ASIC5: variants seen among roughly 807,000 people sequenced by gnomAD.
The protein encoded by ASIC5 is bile acid-sensitive ion channel.
ASIC5 carries 52 observed loss-of-function variants against 51.2 expected under a neutral mutation model. The ratio of observed to expected loss-of-function variants is 1.02; its 90% CI spans 0.81 to 1.28. The LOEUF is 1.28. Ranked by LOEUF, ASIC5 falls within the 50% of genes most tolerant of loss-of-function variation. The pLI, the probability that ASIC5 is intolerant of heterozygous loss-of-function variation, is 0.00. For synonymous variants in ASIC5, 231 were observed against 200.7 expected (o/e 1.15, Z -1.28); for missense variants, 635 against 595.0 (o/e 1.07, Z -0.70).
At position 155,836,677 on chromosome 4, in the gene ASIC5, T is replaced by A; in HGVS notation, c.1235+12A>T. ...GTTAATTATCAATAATTTAAAAGGC[T>A]AGTAAGGTTACCTGATGTATTTCCG... is the stretch of plus-strand genomic sequence containing the variant. On this transcript the variant is annotated intron_variant, in intron 8 of 9. Coordinates refer to ENST00000537611, the MANE Select transcript of ASIC5 (RefSeq NM_017419.3). The A allele has an allele frequency of 6.4e-7, 1 of 1,554,154 alleles. No individual in the cohort carries two copies. Among genetic ancestry groups the A allele is most frequent in the Non-Finnish European group, 8.8e-7 (1 of 1,135,816 alleles).
intron 2 of ASIC5, chr4:155,854,967 G>A (rs1044739143): frequency 6.6e-6 from 1 of 152,126 alleles, no homozygotes; most frequent in Non-Finnish European, 1.5e-5. Flanking sequence ...GCTTGTATTT[G>A]TTTCCCCGAC....
chr4:155,853,502 ATTTTGTATTTGTTATGTATTTG>A (rs900154319), intron 3 of ASIC5, among the ~76,000 whole-genome samples: 1 of 150,046 alleles, frequency 6.7e-6, no homozygotes, highest in Non-Finnish European at 1.5e-5. Context: ...TAATAACAGG[ATTTTGTATTTGTTATGTATTTG>A]TTTTGTATTT....
At chr4:155,863,378 T>C (rs994190900) in intron 2 of ASIC5, 70 bp downstream of exon 2, 5 of 1,230,226 alleles carry the variant, frequency 4.1e-6, no homozygotes, top group African/African-American at 3.0e-5. Flanking sequence ...AAACTCTTTG[T>C]CAGTCATCCA....
chr4:155,831,235 T>C (rs970917437), intron 9 of ASIC5, among the ~76,000 whole-genome samples: 3 of 152,140 alleles, frequency 2.0e-5, no homozygotes, highest in Non-Finnish European at 2.9e-5. Flanking sequence ...GCTGAAACAT[T>C]CTACAAAGTC....
intron 1 of ASIC5, among the ~76,000 whole-genome samples, chr4:155,865,806 T>G (rs77425024): frequency 2.1e-3 from 317 of 152,246 alleles, no homozygotes; most frequent in African/African-American, 7.2e-3. Flanking sequence ...ATATACAGTG[T>G]CATTATGACA....
chr4:155,846,867 G>GTGTC (rs1741254863), intron 4 of ASIC5, among the ~76,000 whole-genome samples: 1 of 151,890 alleles, frequency 6.6e-6, no homozygotes, highest in South Asian at 2.1e-4. Context: ...AAAAAAAAGT[G>GTGTC]TGTCCTTTAT....
In ASIC5 at chr4:155,836,775, C is replaced by A; in HGVS notation, c.1149G>T (p.Pro383=). The A allele has an allele frequency of 6.2e-7, 1 of 1,606,212 alleles. No individual in the cohort carries two copies. Residue 383 remains proline, a synonymous_variant, in exon 8 of 10, where the codon CCG becomes CCT. Transcript: ENST00000537611. ...CPVSCEEIEY[P]ATISYSSFPS... is the part of the protein sequence containing the mutation. ...GAAAAGAGGAATAAGAAATAGTGGC[C>A]GGGTATTCTATTTCTTCACAAGAAA... is the stretch of plus-strand genomic sequence containing the variant.
chr4:155,830,047 C>T lies in ASIC5; in HGVS notation c.1328-1G>A. 1.3e-6 allele frequency: 2 copies of T among 1,526,950 alleles called. No individual in the cohort carries two copies. Among genetic ancestry groups the T allele is most frequent in the Non-Finnish European group, 1.8e-6 (2 of 1,140,748 alleles). The allele number at this position is 1,526,950 out of a possible 1,614,324, so 94.6% of individuals were successfully genotyped here. A position where few individuals can be genotyped will look rare whatever the true frequency, so the allele number is the denominator to read the frequency against. ...AGACCCAGCTGACCACCAAGATCTG[C>T]TGTAATAAAACCAATAAAGATTGAA... On this transcript the variant is annotated splice_acceptor_variant, in intron 9 of 9. Transcript: ENST00000537611. LOFTEE classifies it high-confidence loss of function.
intron 7 of ASIC5, 142 bp from the exon 8 acceptor site, chr4:155,836,999 A>G (rs1228610217): frequency 3.7e-6 from 2 of 534,104 alleles, no homozygotes; most frequent in Non-Finnish European, 6.1e-6. Flanking sequence ...TCTGAAACAA[A>G]TATGTTACTC....
chr4:155,836,605 C>A (rs1740985028), intron 8 of ASIC5, 84 bp downstream of exon 8: 2 of 829,564 alleles, frequency 2.4e-6, no homozygotes, highest in South Asian at 4.6e-5. Flanking sequence ...ATTAGAATTT[C>A]ATTTCCTGAG....
At chr4:155,844,109 G>A (rs894005999) in intron 4 of ASIC5, among the ~76,000 whole-genome samples, 7 of 151,958 alleles carry the variant, frequency 4.6e-5, no homozygotes, top group African/African-American at 1.4e-4. Flanking sequence ...CTTGATTGAT[G>A]TCTGGTAACC....
chr4:155,845,233 A>AT, intron 4 of ASIC5, among the ~76,000 whole-genome samples: 1 of 152,208 alleles, frequency 6.6e-6, no homozygotes, highest in East Asian at 1.9e-4. Flanking sequence ...TCTAAAAAGA[A>AT]TTTTTTTAAA....
At position 155,843,772 on chromosome 4, in the gene ASIC5, A is replaced by G; in HGVS notation, c.770T>C (p.Ile257Thr). 1 of 1,613,622 alleles carries G rather than the reference A, an allele frequency of 6.2e-7. No homozygotes were observed. Among genetic ancestry groups the G allele is most frequent in the Non-Finnish European group, 8.5e-7 (1 of 1,179,686 alleles). The change falls in exon 5 of 10, where the codon ATC becomes ACC. Residue 257 changes from isoleucine (I) to threonine (T), a missense_variant. Coordinates refer to ENST00000537611, the MANE Select transcript of ASIC5 (RefSeq NM_017419.3). The stretch of plus-strand genomic sequence containing the variant: ...CTGTGGCACCTTCTTTGGTGAATGG[A>G]TAACAAAGATGATCCCAGCATCAAC... ...GFVDAGIIFV[I>T]HSPKKVPQFD...
At position 155,829,874 on chromosome 4, in the gene ASIC5, A is replaced by T. The variant is rs186671410; in HGVS notation, c.1500T>A (p.Asn500Lys). The change falls in exon 10 of 10, where the codon AAT (asparagine) becomes AAA (lysine). Residue 500 changes from asparagine to lysine, a missense_variant. Transcript: ENST00000537611. ...PPPQNHLGNK[N>K]RIEEC The stretch of plus-strand genomic sequence containing the variant: ...GTGACCATTAACACTCCTCTATCCT[A>T]TTTTTATTTCCCAGATGATTCTGAG... 3.1e-6 allele frequency: 5 copies of T among 1,592,820 alleles called. No homozygotes were observed. The highest frequency in any genetic ancestry group is 4.3e-6 in the Non-Finnish European group (5 of 1,172,226).
chr4:155,864,813 T>C (rs562375044), intron 1 of ASIC5: 24 of 152,274 alleles, frequency 1.6e-4, no homozygotes, highest in African/African-American at 5.3e-4. Flanking sequence ...AGTGGTGATG[T>C]GGTAAATAGT....
At chr4:155,842,893 A>G (rs1411001018) in intron 5 of ASIC5, among the ~76,000 whole-genome samples, 2 of 152,090 alleles carry the variant, frequency 1.3e-5, no homozygotes, top group Non-Finnish European at 2.9e-5. Flanking sequence ...GCTAAGTGAG[A>G]GAGAGTCCTG....
intron 6 of ASIC5, among the ~76,000 whole-genome samples, chr4:155,841,544 T>C (rs1741121062): frequency 1.3e-5 from 2 of 152,162 alleles, no homozygotes; most frequent in Admixed American, 6.6e-5. Flanking sequence ...CTTCCTTGAA[T>C]GCTTGCCTCT....
intron 2 of ASIC5, among the ~76,000 whole-genome samples, chr4:155,857,547 C>T (rs1238035468): frequency 3.9e-5 from 6 of 152,038 alleles, no homozygotes; most frequent in Non-Finnish European, 8.8e-5. Flanking sequence ...AAGAAAATAA[C>T]ACCAAAAATA....
chr4:155,863,797 T>A, intron 1 of ASIC5, 43 bp from the exon 2 acceptor site: 1 of 1,494,750 alleles, frequency 6.7e-7, no homozygotes, highest in Non-Finnish European at 9.0e-7. Context: ...AAAAAAGTAA[T>A]TAGGAAACCT....
Sources: gnomAD v4.1 joint callset for allele counts (sites outside exome capture counted in the v4.1 genomes callset) on GRCh38, gnomAD v4.1.1 for gene constraint, MANE v1.5 for transcripts, NCBI Gene and HGNC (gene_info 2026-07-23, HGNC 2026-07-21) for gene names.